CA8: variants seen among roughly 807,000 people sequenced by gnomAD.
CA8 encodes the protein carbonic anhydrase 8 (inactive), also known as carbonic anhydrase-related protein.
Under a neutral mutation model 41.4 loss-of-function variants are expected in CA8, and 22 were observed. The observed-to-expected ratio is 0.53, with a 90% confidence interval of 0.38 to 0.76. CA8 has a LOEUF of 0.76. Among genes scored for constraint, CA8 ranks in the 30% least tolerant of loss-of-function variants. CA8 has a pLI of 0.00. For missense variants in CA8, 270 were observed against 352.8 expected (o/e 0.77, Z 1.88); for synonymous variants, 121 against 130.6 (o/e 0.93, Z 0.50).
chr8:60,236,713 G>A (rs1807842423), intron 3 of CA8, among the ~76,000 whole-genome samples: 1 of 152,134 alleles, frequency 6.6e-6, no homozygotes, highest in Non-Finnish European at 1.5e-5. Context: ...TTTATCAAAT[G>A]CCTTTTTATT....
chr8:60,246,055 C>T (rs192103722), intron 3 of CA8, among the ~76,000 whole-genome samples: 1 of 152,264 alleles, frequency 6.6e-6, no homozygotes, highest in Admixed American at 6.5e-5. Context: ...CCCAATCTTA[C>T]CTAACCGTGA....
At chr8:60,264,813 A>G (rs937849800) in intron 3 of CA8, 1 of 152,120 alleles carries the variant, frequency 6.6e-6, no homozygotes, top group Non-Finnish European at 1.5e-5. Flanking sequence ...GCTTCCAGAG[A>G]TTTTTTTATT....
chr8:60,192,937 G>GCACACACA (rs377257462), intron 8 of CA8, among the ~76,000 whole-genome samples: 5,003 of 140,660 alleles, frequency 0.036, 103 homozygotes, highest in Middle Eastern at 0.049. Context: ...TCAACATCAT[G>GCACACACA]CACACACACA....
At position 60,222,107 on chromosome 8, in the gene CA8, A is replaced by T. The variant is rs144776905; in HGVS notation, c.738+542T>A. Among the ~76,000 whole-genome samples the T allele has an allele frequency of 7.9e-5, 12 of 152,324 alleles. No individual in the cohort carries two copies. The East Asian group carries it at 2.1e-3, about 27-fold the overall frequency. ...CCAGCTAACATCCCAGTGACAATTC[A>T]GTTGGATGCTCCCACCCACCGTGCA... On this transcript the variant is annotated intron_variant, in intron 7 of 8. Coordinates refer to ENST00000317995, the MANE Select transcript of CA8 (RefSeq NM_004056.6).
At position 60,219,929 on chromosome 8, in the gene CA8, TAAAAA is replaced by T. The variant is rs546162939; in HGVS notation, c.738+2715_738+2719del. On this transcript the variant is annotated intron_variant, in intron 7 of 8. Transcript: ENST00000317995. ...CTCTAGTATTTCCTAAATCTTAACT[TAAAAA>T]AAAAAAAAAAAAAAAAAAACACTTG... Among the ~76,000 whole-genome samples the T allele has an allele frequency of 1.7e-3, 141 of 82,020 alleles. 2 individuals are homozygous for T. Among genetic ancestry groups the T allele is most frequent in the African/African-American group, 6.2e-3 (130 of 21,026 alleles). 53.8% of individuals were successfully genotyped at this position (82,020 alleles called of 152,430 possible).
At chr8:60,275,904 A>T (rs374283521) in intron 2 of CA8, among the ~76,000 whole-genome samples, 2 of 152,234 alleles carry the variant, frequency 1.3e-5, no homozygotes, top group Non-Finnish European at 2.9e-5. Flanking sequence ...TTTCAACTGC[A>T]ACGCTGGAAG....
At position 60,187,765 on chromosome 8, in the gene CA8, T is replaced by G. The variant is rs1806004378; in HGVS notation, c.*2256A>C. On this transcript the variant is annotated 3_prime_UTR_variant, in exon 9 of 9. Coordinates refer to ENST00000317995, the MANE Select transcript of CA8 (RefSeq NM_004056.6). ...CACTTTGTTGCCTTATTAAATTGTT[T>G]CATAAACAAAATGCACCCTAAATTA... is the stretch of plus-strand genomic sequence containing the variant. 6.6e-6 allele frequency: 1 copy of G among 152,214 alleles called. No individual in the cohort carries two copies. Among genetic ancestry groups the G allele is most frequent in the Admixed American group, 6.5e-5 (1 of 15,276 alleles). 9.4% of individuals were successfully genotyped at this position (152,214 alleles called of 1,614,324 possible). A position where few individuals can be genotyped will look rare whatever the true frequency, so the allele number is the denominator to read the frequency against.
At chr8:60,273,987 T>C (rs188961807) in intron 2 of CA8, among the ~76,000 whole-genome samples, 53 of 152,386 alleles carry the variant, frequency 3.5e-4, no homozygotes, top group African/African-American at 1.2e-3. Context: ...ACAACTGTTC[T>C]AAACCTTTTT....
Position 60,230,825 on chromosome 8 carries a change from C to T in CA8, c.513+1459G>A, listed in dbSNP as rs374225841. Among the ~76,000 whole-genome samples, 20 of 152,254 alleles carry T rather than the reference C, an allele frequency of 1.3e-4. No homozygotes were observed. In the East Asian group the frequency reaches 2.7e-3, roughly 21 times the overall value. On this transcript the variant is annotated intron_variant, in intron 4 of 8. Transcript: ENST00000317995. ...GCTGGGTTTTCAGTCCGGGGCTCTA[C>T]GAATCCAGGTCACCTGTTAAATGCT...
At chr8:60,244,224 C>T (rs1808141327) in intron 3 of CA8, among the ~76,000 whole-genome samples, 1 of 152,118 alleles carries the variant, frequency 6.6e-6, no homozygotes, top group African/African-American at 2.4e-5. Context: ...TGGCTGATTC[C>T]CATCACCAGT....
rs116463958 is a variant in CA8, at chr8:60,250,880, C to G, written c.417+15045G>C. The stretch of plus-strand genomic sequence containing the variant: ...CCAACTCCATTCAAGAGCTTCCATT[C>G]TTTGTCCCCAACCTACCATTCTAAA... On this transcript the variant is annotated intron_variant, in intron 3 of 8. Transcript: ENST00000317995. Among the ~76,000 whole-genome samples, 1,228 of 152,244 alleles carry G rather than the reference C, an allele frequency of 8.1e-3. 16 individuals carry two copies. Among genetic ancestry groups the G allele is most frequent in the African/African-American group, 0.028 (1,157 of 41,542 alleles).
intron 3 of CA8, among the ~76,000 whole-genome samples, chr8:60,256,431 C>T (rs775867055): frequency 2.4e-4 from 37 of 152,246 alleles, no homozygotes; most frequent in Non-Finnish European, 4.3e-4. Context: ...TCTCAGAGGA[C>T]TCACGGTATG....
At chr8:60,272,047 A>G (rs1804089699) in intron 2 of CA8, among the ~76,000 whole-genome samples, 1 of 152,160 alleles carries the variant, frequency 6.6e-6, no homozygotes, top group Non-Finnish European at 1.5e-5. Context: ...CTTCAACTCC[A>G]TGTTAGGAGG....
At chr8:60,195,981 T>A (rs867604522) in intron 8 of CA8, among the ~76,000 whole-genome samples, 1 of 152,216 alleles carries the variant, frequency 6.6e-6, no homozygotes, top group Middle Eastern at 3.4e-3. Context: ...GAGACATTTT[T>A]AAAAGGGTGC....
At chr8:60,257,830 T>G (rs145503792) in intron 3 of CA8, among the ~76,000 whole-genome samples, 2 of 152,368 alleles carry the variant, frequency 1.3e-5, no homozygotes, top group East Asian at 3.9e-4. Flanking sequence ...TGTATTTGCA[T>G]TCTAAGAAAT....
intron 7 of CA8, among the ~76,000 whole-genome samples, chr8:60,217,446 G>A (rs183587533): frequency 7.8e-4 from 118 of 152,220 alleles, no homozygotes; most frequent in Non-Finnish European, 1.3e-3. Flanking sequence ...TGAGTCTCCT[G>A]ACTTTTTCCA....
At chr8:60,280,916 A>T in intron 1 of CA8, 132 bp downstream of exon 1, 1 of 713,698 alleles carries the variant, frequency 1.4e-6, no homozygotes, top group Non-Finnish European at 2.5e-6. Context: ...GGAAAGTGGC[A>T]GAGACCCCCG....
At chr8:60,191,320 AT>A (rs1806122143) in intron 8 of CA8, among the ~76,000 whole-genome samples, 1 of 152,072 alleles carries the variant, frequency 6.6e-6, no homozygotes, top group Non-Finnish European at 1.5e-5. Context: ...AGAAAGTGAT[AT>A]GAAATTGATT....
At chr8:60,201,839 T>C (rs916127112) in intron 8 of CA8, among the ~76,000 whole-genome samples, 1 of 152,220 alleles carries the variant, frequency 6.6e-6, no homozygotes, top group African/African-American at 2.4e-5. Flanking sequence ...CCTAGAAGTT[T>C]TAAATTTCGT....
Sources: allele counts gnomAD v4.1 joint callset (sites outside exome capture counted in the v4.1 genomes callset), GRCh38; gene constraint gnomAD v4.1.1; transcripts MANE v1.5; gene names NCBI Gene and HGNC (gene_info 2026-07-23, HGNC 2026-07-21).